RAI1: variants seen among roughly 807,000 people sequenced by gnomAD.
RAI1 encodes the protein retinoic acid-induced protein 1.
RAI1 carries 9 observed loss-of-function variants against 123.8 expected under a neutral mutation model. The observed-to-expected ratio is 0.07, with a 90% confidence interval of 0.04 to 0.13. RAI1 has a LOEUF of 0.13. RAI1 is among the 10% of genes least tolerant of loss of function. RAI1 has a pLI of 1.00. For synonymous variants in RAI1, 1,231 were observed against 1,127.3 expected (o/e 1.09, Z -1.84); for missense variants, 2,256 against 2,545.8 (o/e 0.89, Z 2.45).
chr17:17,777,827 A>C (rs747964233), intron 2 of RAI1: 2 of 152,322 alleles, frequency 1.3e-5, no homozygotes, highest in Non-Finnish European at 2.9e-5. Context: ...TTATCCGTGC[A>C]CTGCTGTCAG....
At chr17:17,688,043 AAAAGTG>A (rs1410339862) in intron 1 of RAI1, among the ~76,000 whole-genome samples, 1 of 150,932 alleles carries the variant, frequency 6.6e-6, no homozygotes, top group Non-Finnish European at 1.5e-5. Context: ...AAAAAAAAAA[AAAAGTG>A]AGTGTTGCTG....
chr17:17,723,706 C>T (rs1045316563), intron 1 of RAI1, among the ~76,000 whole-genome samples: 1 of 149,058 alleles, frequency 6.7e-6, no homozygotes, highest in Non-Finnish European at 1.5e-5. Flanking sequence ...CCCTCCTCCT[C>T]CTCCCTTCCC....
At chr17:17,726,685 C>T (rs1916100373) in intron 2 of RAI1, among the ~76,000 whole-genome samples, 2 of 151,332 alleles carry the variant, frequency 1.3e-5, no homozygotes, top group Admixed American at 1.3e-4. Context: ...TTTTTTAAAC[C>T]TTTTTGAAAT....
intron 2 of RAI1, among the ~76,000 whole-genome samples, chr17:17,734,146 C>T (rs1393299350): frequency 6.6e-6 from 1 of 152,128 alleles, no homozygotes; most frequent in African/African-American, 2.4e-5. Context: ...CAAGCACTGG[C>T]TAGTTGGGGG....
chr17:17,725,024 C>G (rs921564651), intron 2 of RAI1, among the ~76,000 whole-genome samples: 9 of 152,030 alleles, frequency 5.9e-5, no homozygotes, highest in Non-Finnish European at 1.0e-4. Context: ...GAGGAGGTCC[C>G]TCCTGGGGCT....
intron 2 of RAI1, among the ~76,000 whole-genome samples, chr17:17,765,043 C>T (rs368709081): frequency 1.7e-4 from 26 of 152,216 alleles, no homozygotes; most frequent in African/African-American, 6.0e-4. Context: ...GGAGGATCTT[C>T]GGTGGCTTGC....
intron 2 of RAI1, among the ~76,000 whole-genome samples, chr17:17,745,865 G>A (rs1444945062): frequency 2.6e-5 from 4 of 152,230 alleles, no homozygotes. Context: ...CCGTGAGGAT[G>A]TGGCCGGAGG....
At chr17:17,785,353 A>G (rs1567905447) in intron 2 of RAI1, among the ~76,000 whole-genome samples, 3 of 152,092 alleles carry the variant, frequency 2.0e-5, no homozygotes, top group East Asian at 3.9e-4. Flanking sequence ...CAGCACCCCA[A>G]TCCATCTCAT....
rs1332699555 is a variant in RAI1 at position 17,811,151 on chromosome 17, A to G, written c.*1170A>G. The G allele has an allele frequency of 7.1e-6, 2 of 283,480 alleles. No individual in the cohort carries two copies. The highest frequency in any genetic ancestry group is 1.4e-5 in the Non-Finnish European group (2 of 143,566). The allele number at this position is 283,480 out of a possible 1,614,324, so 17.6% of individuals were successfully genotyped here. On this transcript the variant is annotated 3_prime_UTR_variant, in exon 6 of 6. Coordinates refer to ENST00000353383, the MANE Select transcript of RAI1 (RefSeq NM_030665.4). ...CTTCGATAGGCCTGACGCAGCCCCC[A>G]GCCCAGGGCCGCCCTAGCAACTTCC...
At chr17:17,732,874 G>T (rs531806597) in intron 2 of RAI1, among the ~76,000 whole-genome samples, 1 of 152,332 alleles carries the variant, frequency 6.6e-6, no homozygotes, top group East Asian at 1.9e-4. Flanking sequence ...CCACAGAGAG[G>T]CCAGGGCTTG....
rs933785935 is a variant in RAI1 at position 17,714,668 on chromosome 17, A to G, written c.-148-9360A>G. Among the ~76,000 whole-genome samples the G allele has an allele frequency of 1.3e-5, 2 of 152,140 alleles. No homozygotes were observed. The highest frequency in any genetic ancestry group is 2.4e-5 in the African/African-American group (1 of 41,430). On this transcript the variant is annotated intron_variant, in intron 1 of 5. Coordinates refer to ENST00000353383, the MANE Select transcript of RAI1 (RefSeq NM_030665.4). The surrounding 1 kb of genome is among the most constrained non-coding windows in gnomAD (Gnocchi z 4.9). The stretch of plus-strand genomic sequence containing the variant: ...GCTGGGTGCGAGCCTCCTGGCACAC[A>G]TTGTGGGAGTGCTGTGGGTCGAATA...
chr17:17,730,975 G>A (rs1344551235), intron 2 of RAI1, among the ~76,000 whole-genome samples: 1 of 152,220 alleles, frequency 6.6e-6, no homozygotes, highest in East Asian at 1.9e-4. Context: ...CCGAGAGAGA[G>A]CCCTTTCTAG....
Position 17,794,228 on chromosome 17 carries a change from T to C in RAI1, c.1280T>C (p.Leu427Pro), listed in dbSNP as rs776923525. 18 of 1,613,326 alleles carry C rather than the reference T, an allele frequency of 1.1e-5. No homozygotes were observed. The highest frequency in any genetic ancestry group is 1.7e-5 in the Admixed American group (1 of 60,000). The change falls in exon 3 of 6, where the codon CTG becomes CCG. Residue 427 changes from leucine (L) to proline (P), a missense_variant. Leu to Pro is a moderately conservative substitution (Grantham distance 98). Around this residue, in one of 7 missense-constraint regions of RAI1, gnomAD observed 357 missense variants for 480.2 expected, o/e 0.74. Transcript: ENST00000353383. ...LQKDKLPENL[L>P]SDLSLQSLTA... ...AAGGACAAGCTCCCTGAGAACCTGC[T>C]GTCGGATCTCAGCCTGCAGAGCCTC...
intron 1 of RAI1, among the ~76,000 whole-genome samples, chr17:17,704,311 T>C (rs1264229952): frequency 2.6e-5 from 4 of 152,188 alleles, no homozygotes; most frequent in Non-Finnish European, 5.9e-5. Context: ...TCTGGGCCTG[T>C]CTCTTTCTCA....
chr17:17,766,273 G>A (rs2142993724), intron 2 of RAI1: 1 of 152,342 alleles, frequency 6.6e-6, no homozygotes, highest in Non-Finnish European at 1.5e-5. Context: ...AGGCATTGAT[G>A]GGGGTGTCTG....
chr17:17,782,379 G>A (rs1367064398), intron 2 of RAI1, among the ~76,000 whole-genome samples: 1 of 151,942 alleles, frequency 6.6e-6, no homozygotes, highest in Non-Finnish European at 1.5e-5. Flanking sequence ...GGGAGGTGGC[G>A]TTGGGGAGGG....
At chr17:17,734,009 C>CA (rs1916348055) in intron 2 of RAI1, among the ~76,000 whole-genome samples, 1 of 152,136 alleles carries the variant, frequency 6.6e-6, no homozygotes, top group African/African-American at 2.4e-5. Context: ...TTATTTTTCT[C>CA]ACGTTTTTGG....
intron 1 of RAI1, chr17:17,683,776 C>T (rs888520484): frequency 2.0e-5 from 3 of 152,402 alleles, no homozygotes; most frequent in African/African-American, 4.8e-5. Flanking sequence ...TAGCATCCCT[C>T]TGGCTTCTGT....
intron 1 of RAI1, among the ~76,000 whole-genome samples, chr17:17,702,213 A>G (rs937117174): frequency 4.6e-5 from 7 of 152,226 alleles, no homozygotes; most frequent in Non-Finnish European, 8.8e-5. Flanking sequence ...AGCTCACTCC[A>G]AAGTGTGGAG....
Sources: gnomAD v4.1 joint callset for allele counts (sites outside exome capture counted in the v4.1 genomes callset) on GRCh38, gnomAD v4.1.1 for gene constraint, gnomAD v4.1.1 regional missense constraint, Gnocchi (gnomAD v3.1) non-coding constraint, MANE v1.5 for transcripts, NCBI Gene and HGNC (gene_info 2026-07-23, HGNC 2026-07-21) for gene names.